The following FBXO25 variants were observed in gnomAD, a reference collection of about 807,000 sequenced individuals.
The protein encoded by FBXO25 is F-box protein 25.
In FBXO25, 45 loss-of-function variants were observed where a neutral mutation model predicts 51.9. The observed-to-expected ratio is 0.87, with a 90% CI of 0.68 to 1.11. FBXO25 has a LOEUF of 1.11. Ranked by LOEUF, FBXO25 falls within the 50% of genes most tolerant of loss-of-function variation. The pLI is 0.00. For synonymous variants in FBXO25, 199 were observed against 151.0 expected (o/e 1.32, Z -2.33); for missense variants, 507 against 428.5 (o/e 1.18, Z -1.62).
Position 474,470 on chromosome 8 carries a change from G to A in FBXO25, c.*5666G>A. On this transcript the variant is annotated 3_prime_UTR_variant, in exon 10 of 10. Coordinates refer to ENST00000350302, the MANE Select transcript of FBXO25 (RefSeq NM_183420.2). ...CCTATGTTTAATTTCTTAGGGCACT[G>A]CCATAAGTGTTTTACACGGTGGCTG... 3.1e-6 allele frequency: 1 copy of A among 323,230 alleles called. No individual in the cohort carries two copies. 20.0% of individuals were successfully genotyped at this position (323,230 alleles called of 1,614,324 possible).
chr8:426,289 C>A (rs144809414), intron 2 of FBXO25, among the ~76,000 whole-genome samples: 2,039 of 152,240 alleles, frequency 0.013, 24 homozygotes, highest in Non-Finnish European at 0.021. Flanking sequence ...GACTTTTACC[C>A]TTGATAGTCA....
chr8:428,807 G>T (rs1469987117), intron 2 of FBXO25, among the ~76,000 whole-genome samples: 2 of 152,168 alleles, frequency 1.3e-5, no homozygotes, highest in African/African-American at 4.8e-5. Flanking sequence ...GTGTCCTTTT[G>T]TGACTGTCTT....
intron 4 of FBXO25, 80 bp downstream of exon 4, chr8:433,015 T>C (rs1303411414): frequency 1.4e-6 from 2 of 1,411,850 alleles, no homozygotes; most frequent in African/African-American, 1.5e-5. Context: ...AATGTATTAA[T>C]AAAGTTGCAT....
intron 8 of FBXO25, among the ~76,000 whole-genome samples, chr8:459,449 T>G (rs780572649): frequency 5.3e-5 from 8 of 152,218 alleles, no homozygotes; most frequent in Non-Finnish European, 1.0e-4. Context: ...TAAGAATCCT[T>G]GTCTGTGTCC....
chr8:462,841 G>C (rs960519922), intron 8 of FBXO25, among the ~76,000 whole-genome samples, 166 bp from the exon 9 acceptor site: 10 of 152,058 alleles, frequency 6.6e-5, no homozygotes, highest in African/African-American at 2.4e-4. Flanking sequence ...CCAGACTTCA[G>C]CACTGTACAA....
intron 2 of FBXO25, among the ~76,000 whole-genome samples, chr8:419,385 C>A (rs1797016672): frequency 6.6e-6 from 1 of 151,964 alleles, no homozygotes. Context: ...GAAAAAAGAA[C>A]AAGGTTTACT....
chr8:459,289 A>T (rs1198680577), intron 8 of FBXO25, among the ~76,000 whole-genome samples: 1 of 152,172 alleles, frequency 6.6e-6, no homozygotes, highest in Non-Finnish European at 1.5e-5. Flanking sequence ...AAGACCTAGG[A>T]TGGGACTGGG....
At chr8:437,786 G>C (rs1259433185) in intron 5 of FBXO25, among the ~76,000 whole-genome samples, 1 of 149,128 alleles carries the variant, frequency 6.7e-6, no homozygotes, top group Non-Finnish European at 1.5e-5. Flanking sequence ...CATACATACT[G>C]TGCAGGTATT....
intron 2 of FBXO25, among the ~76,000 whole-genome samples, chr8:421,656 A>T (rs1376856292): frequency 6.6e-6 from 1 of 152,184 alleles, no homozygotes; most frequent in Non-Finnish European, 1.5e-5. Context: ...TTAGTATAAC[A>T]CATCTGTTTT....
chr8:457,864 C>A (rs886400343), intron 7 of FBXO25, among the ~76,000 whole-genome samples: 1 of 152,228 alleles, frequency 6.6e-6, no homozygotes, highest in Non-Finnish European at 1.5e-5. Flanking sequence ...GCTTTGCAGA[C>A]GATGTGGTCA....
chr8:463,342 G>T (rs930805260), intron 9 of FBXO25, among the ~76,000 whole-genome samples, 192 bp downstream of exon 9: 6 of 152,224 alleles, frequency 3.9e-5, no homozygotes, highest in Non-Finnish European at 7.3e-5. Context: ...AACCAGAAAC[G>T]CTGAAAACCA....
chr8:444,580 A>G (rs73669381), intron 5 of FBXO25, among the ~76,000 whole-genome samples: 8,604 of 152,210 alleles, frequency 0.057, 464 homozygotes, highest in African/African-American at 0.14. Flanking sequence ...CAGATTCTCT[A>G]TTTGAAGGAT....
rs565737512 is a variant in FBXO25 at position 432,461 on chromosome 8, T to C, written c.239-425T>C. On this transcript the variant is annotated intron_variant, in intron 3 of 9. Coordinates refer to ENST00000350302, the MANE Select transcript of FBXO25 (RefSeq NM_183420.2). ...CGGGGGGACTACTTTATGAAGAAGA[T>C]AGGGTCACATGGAGAATACAGTTAG... Among the ~76,000 whole-genome samples the C allele has an allele frequency of 4.4e-3, 677 of 152,318 alleles. 2 individuals are homozygous for C. The highest frequency in any genetic ancestry group is 6.2e-3 in the Non-Finnish European group (425 of 68,032).
At chr8:422,459 G>A (rs1456488093) in intron 2 of FBXO25, among the ~76,000 whole-genome samples, 1 of 152,230 alleles carries the variant, frequency 6.6e-6, no homozygotes, top group Non-Finnish European at 1.5e-5. Context: ...TAAGTACAGT[G>A]TGGATCCTGG....
chr8:468,317 A>T, intron 9 of FBXO25: 1 of 1,006,420 alleles, frequency 9.9e-7, no homozygotes, highest in South Asian at 4.3e-5. Flanking sequence ...CCTGTGTAAC[A>T]AAGTGAGCCA....
intron 2 of FBXO25, among the ~76,000 whole-genome samples, chr8:421,066 C>T (rs1797125059): frequency 6.6e-6 from 1 of 152,244 alleles, no homozygotes; most frequent in Non-Finnish European, 1.5e-5. Context: ...ACCTGGGCCA[C>T]AGAGCAGGAG....
intron 2 of FBXO25, among the ~76,000 whole-genome samples, chr8:430,234 A>G (rs556625506): frequency 1.3e-5 from 2 of 152,374 alleles, no homozygotes; most frequent in African/African-American, 4.8e-5. Context: ...CAGTATTTCA[A>G]TCAATGATAA....
In FBXO25 at chr8:469,644, G is replaced by A. The variant is rs1800410306; in HGVS notation, c.*840G>A. 6.6e-6 allele frequency: 1 copy of A among 152,194 alleles called. No homozygotes were observed. 9.4% of individuals were successfully genotyped at this position (152,194 alleles called of 1,614,324 possible). ...TTGATACTTAAATCCTTAAAAGATTGCTTCGTTTTTAAAATAACGCATGTC... is the reference window on the plus strand; with the variant it reads ...TTGATACTTAAATCCTTAAAAGATTACTTCGTTTTTAAAATAACGCATGTC... On this transcript the variant is annotated 3_prime_UTR_variant, in exon 10 of 10. Transcript: ENST00000350302.
At chr8:453,926 C>G (rs763570207) in intron 7 of FBXO25, among the ~76,000 whole-genome samples, 2 of 152,054 alleles carry the variant, frequency 1.3e-5, no homozygotes, top group Non-Finnish European at 2.9e-5. Flanking sequence ...GAGTTCGAGA[C>G]CAGCCTGGCC....
Sources: allele counts gnomAD v4.1 joint callset (sites outside exome capture counted in the v4.1 genomes callset), GRCh38; gene constraint gnomAD v4.1.1; transcripts MANE v1.5; gene names NCBI Gene and HGNC (gene_info 2026-07-23, HGNC 2026-07-21).